The following KCNMA1 variants were observed in gnomAD, a reference collection of about 807,000 sequenced individuals.
The protein encoded by KCNMA1 is Calcium-activated potassium channel subunit alpha-1.
KCNMA1 carries 29 observed loss-of-function variants against 140.0 expected under a neutral mutation model. The ratio of observed to expected loss-of-function variants is 0.21; its 90% confidence interval spans 0.15 to 0.28. The LOEUF (loss-of-function observed/expected upper bound fraction) is 0.28. Ranked by LOEUF, KCNMA1 falls within the 10% of genes least tolerant of loss-of-function variation. KCNMA1 has a pLI of 1.00. For synonymous variants in KCNMA1, 612 were observed against 611.9 expected (o/e 1.00, Z 0.00); for missense variants, 880 against 1,602.2 (o/e 0.55, Z 7.70).
At chr10:76,907,793 G>A (rs1323768039) in intron 25 of KCNMA1, among the ~76,000 whole-genome samples, 1 of 152,014 alleles carries the variant, frequency 6.6e-6, no homozygotes, top group Admixed American at 6.6e-5. Context: ...TGCCCACCTC[G>A]GCCTTCTAAA....
intron 14 of KCNMA1, among the ~76,000 whole-genome samples, chr10:77,052,891 G>T (rs2095420005): frequency 6.6e-6 from 1 of 152,134 alleles, no homozygotes; most frequent in Non-Finnish European, 1.5e-5. Context: ...TTGGGAGGAG[G>T]AGACTCATCC....
chr10:77,366,254 C>CGCCTCCCAGAACCT (rs2094353963), intron 2 of KCNMA1, among the ~76,000 whole-genome samples: 3 of 151,980 alleles, frequency 2.0e-5, no homozygotes, highest in Admixed American at 1.3e-4. Flanking sequence ...CTGCCACCTC[C>CGCCTCCCAGAACCT]GCCTCCCAGG....
chr10:77,025,432 C>T lies in KCNMA1; in HGVS notation c.1928+2391G>A, dbSNP rs527571702. Reference sequence around the variant, plus strand: ...GGGTGGAGGTTGGAAGAAAAGTTAACGAAGAGTGCATACCGCTTTCGGCTT... The same window carrying T: ...GGGTGGAGGTTGGAAGAAAAGTTAATGAAGAGTGCATACCGCTTTCGGCTT... On this transcript the variant is annotated intron_variant, in intron 16 of 27. Coordinates refer to ENST00000286628, the MANE Select transcript of KCNMA1 (RefSeq NM_001161352.2). 2.6e-5 allele frequency: 42 copies of T among 1,601,464 alleles called. 1 individual carries two copies. In the South Asian group the frequency reaches 3.2e-4, roughly 12 times the overall value.
intron 1 of KCNMA1, among the ~76,000 whole-genome samples, chr10:77,412,026 C>G (rs530920099): frequency 1.3e-5 from 2 of 152,186 alleles, no homozygotes; most frequent in Non-Finnish European, 2.9e-5. Flanking sequence ...CCGGGCCTGA[C>G]GCACCTGAGT....
intron 5 of KCNMA1, among the ~76,000 whole-genome samples, chr10:77,180,488 A>T (rs1219324464): frequency 6.6e-6 from 1 of 152,212 alleles, no homozygotes; most frequent in East Asian, 1.9e-4. Flanking sequence ...TTCTCCTACA[A>T]GAGGAAAGAG....
chr10:76,949,126 G>A lies in KCNMA1; in HGVS notation c.2709+16C>T, dbSNP rs1219946855. On this transcript the variant is annotated intron_variant, in intron 22 of 27. Transcript: ENST00000286628. ...GAAAAGAAGAAAAGGCATCAATAAT[G>A]TGACCTTGGACTTACAGGCAATATG... 6.4e-7 allele frequency: 1 copy of A among 1,568,260 alleles called. No homozygotes were observed. The highest frequency in any genetic ancestry group is 1.7e-5 in the Admixed American group (1 of 59,952).
rs1406256450 is a variant in KCNMA1, at chr10:76,885,218, T to G, written c.*2048A>C. The G allele has an allele frequency of 1.9e-6, 1 of 516,168 alleles. No individual in the cohort carries two copies. Among genetic ancestry groups the G allele is most frequent in the Non-Finnish European group, 2.5e-6 (1 of 399,926 alleles). 32.0% of individuals were successfully genotyped at this position (516,168 alleles called of 1,614,324 possible). A position where few individuals can be genotyped will look rare whatever the true frequency, so the allele number is the denominator to read the frequency against. ...ACATATATATAGTTATATATATAGT[T>G]ATATATATATAATTATATAGTTATA... On this transcript the variant is annotated 3_prime_UTR_variant, in exon 28 of 28. Coordinates refer to ENST00000286628, the MANE Select transcript of KCNMA1 (RefSeq NM_001161352.2).
At chr10:77,338,112 G>T (rs985190082) in intron 2 of KCNMA1, among the ~76,000 whole-genome samples, 3 of 152,314 alleles carry the variant, frequency 2.0e-5, no homozygotes, top group Non-Finnish European at 2.9e-5. Flanking sequence ...AAGGGAAGGG[G>T]TGAGTGAGCC....
At chr10:77,015,838 C>T (rs1204419105) in intron 17 of KCNMA1, among the ~76,000 whole-genome samples, 2 of 152,058 alleles carry the variant, frequency 1.3e-5, no homozygotes, top group African/African-American at 4.8e-5. Context: ...AATGGGAACC[C>T]ACCTCTCTCC....
At chr10:77,490,585 C>T (rs1057176050) in intron 1 of KCNMA1, among the ~76,000 whole-genome samples, 2 of 152,188 alleles carry the variant, frequency 1.3e-5, no homozygotes, top group Non-Finnish European at 2.9e-5. Flanking sequence ...GCTAAGACCA[C>T]ACTAGGTTAT....
At position 77,377,487 on chromosome 10, in the gene KCNMA1, C is replaced by G. The variant is rs149411135; in HGVS notation, c.540+26375G>C. Among the ~76,000 whole-genome samples, 249 of 152,236 alleles carry G rather than the reference C, an allele frequency of 1.6e-3. 3 individuals carry two copies. The highest frequency in any genetic ancestry group is 6.5e-4 in the Non-Finnish European group (44 of 68,014). On this transcript the variant is annotated intron_variant, in intron 2 of 27. Coordinates refer to ENST00000286628, the MANE Select transcript of KCNMA1 (RefSeq NM_001161352.2). ...AGGCAGGCGTCGACTAGATGGGTCCCTCTGGGGTGTGGTGGAAATGACCTC... is the reference window on the plus strand; with the variant it reads ...AGGCAGGCGTCGACTAGATGGGTCCGTCTGGGGTGTGGTGGAAATGACCTC...
At chr10:77,069,646 A>T (rs2096111821) in intron 14 of KCNMA1, among the ~76,000 whole-genome samples, 1 of 152,216 alleles carries the variant, frequency 6.6e-6, no homozygotes, top group South Asian at 2.1e-4. Context: ...CAATTCAGAG[A>T]TATATCCACA....
In KCNMA1 at chr10:77,243,672, C is replaced by T. The variant is rs1204703040; in HGVS notation, c.602+7523G>A. ...TGTTTCCACAGGGGAAACAAGTGAGCAATTGGGCAAAATGTCCTCAAAAGT... is the reference window on the plus strand; with the variant it reads ...TGTTTCCACAGGGGAAACAAGTGAGTAATTGGGCAAAATGTCCTCAAAAGT... On this transcript the variant is annotated intron_variant, in intron 3 of 27. Transcript: ENST00000286628. Among the ~76,000 whole-genome samples, 3 of 152,246 alleles carry T rather than the reference C, an allele frequency of 2.0e-5. No individual in the cohort carries two copies. In the East Asian group the frequency reaches 5.8e-4, roughly 29 times the overall value.
intron 2 of KCNMA1, among the ~76,000 whole-genome samples, chr10:77,337,787 A>G (rs1360537682): frequency 6.6e-6 from 1 of 152,232 alleles, no homozygotes; most frequent in Non-Finnish European, 1.5e-5. Context: ...AGGCTAAGCC[A>G]TGGGTCCTAC....
chr10:77,236,179 C>T (rs76006824), intron 3 of KCNMA1, among the ~76,000 whole-genome samples: 410 of 152,260 alleles, frequency 2.7e-3, no homozygotes, highest in African/African-American at 9.5e-3. Context: ...GTACTCCTTG[C>T]GTGTAGTCAC....
chr10:77,038,267 G>T (rs1331431479), intron 15 of KCNMA1, among the ~76,000 whole-genome samples: 2 of 152,132 alleles, frequency 1.3e-5, no homozygotes, highest in Non-Finnish European at 2.9e-5. Context: ...ACCCAGGACT[G>T]TCCCCTCCTT....
intron 1 of KCNMA1, among the ~76,000 whole-genome samples, chr10:77,577,787 G>C (rs2074666486): frequency 6.6e-6 from 1 of 152,194 alleles, no homozygotes. Context: ...TCCAGGTTGT[G>C]CTGGTGACAT....
At chr10:77,266,750 C>T (rs962858778) in intron 2 of KCNMA1, among the ~76,000 whole-genome samples, 3 of 152,196 alleles carry the variant, frequency 2.0e-5, no homozygotes, top group Non-Finnish European at 4.4e-5. Flanking sequence ...TTATTGTAGT[C>T]ATGAGTTTTC....
At chr10:77,333,441 G>GAAGAAAAGAA (rs371118624) in intron 2 of KCNMA1, among the ~76,000 whole-genome samples, 67 of 150,328 alleles carry the variant, frequency 4.5e-4, no homozygotes, top group African/African-American at 1.6e-3. Context: ...AAAGAAAAGA[G>GAAGAAAAGAA]AAGAAAAGAA....
Sources: gnomAD v4.1 joint callset for allele counts (sites outside exome capture counted in the v4.1 genomes callset) on GRCh38, gnomAD v4.1.1 for gene constraint, MANE v1.5 for transcripts, NCBI Gene and HGNC (gene_info 2026-07-23, HGNC 2026-07-21) for gene names.